CPNE4: variants seen among roughly 807,000 people sequenced by gnomAD.
CPNE4 encodes the protein copine-4.
In CPNE4, 25 loss-of-function variants were observed where a neutral mutation model predicts 67.9. That is an observed-to-expected ratio of 0.37 (90% CI 0.27 to 0.51). The LOEUF (loss-of-function observed/expected upper bound fraction) is 0.51, where lower values mean the gene tolerates loss of function less well. Among genes scored for constraint, CPNE4 ranks in the 20% least tolerant of loss-of-function variants. CPNE4 has a pLI of 0.93. For missense variants in CPNE4, 464 were observed against 690.8 expected (o/e 0.67, Z 3.68); for synonymous variants, 242 against 244.9 (o/e 0.99, Z 0.11).
At chr3:131,976,045 C>CT (rs1360862984) in intron 1 of CPNE4, among the ~76,000 whole-genome samples, 3 of 145,226 alleles carry the variant, frequency 2.1e-5, no homozygotes, top group South Asian at 2.2e-4. Flanking sequence ...AACTATAGGA[C>CT]TTTTTTTAAA....
chr3:131,844,089 T>C (rs1475062813), intron 2 of CPNE4, among the ~76,000 whole-genome samples: 1 of 152,072 alleles, frequency 6.6e-6, no homozygotes, highest in Non-Finnish European at 1.5e-5. Context: ...TATCTCTGGT[T>C]ACTACTCTGC....
At chr3:132,037,601 T>C, upstream of CPNE4, 1 of 1,536,046 alleles carries the variant, frequency 6.5e-7, no homozygotes, top group Non-Finnish European at 8.7e-7. Context: ...TGCTGGGTTC[T>C]ACAGCCATGG....
At chr3:131,799,922 TGTGTGTGTG>T (rs1560339423) in intron 2 of CPNE4, among the ~76,000 whole-genome samples, 1 of 2,454 alleles carries the variant, frequency 4.1e-4, no homozygotes, top group Non-Finnish European at 1.9e-3. Flanking sequence ...GTGTGTGTTG[TGTGTGTGTG>T]TGTGTGTGTG....
intron 2 of CPNE4, among the ~76,000 whole-genome samples, chr3:131,832,911 AGACTGTT>A (rs1291467965): frequency 2.0e-5 from 3 of 152,210 alleles, no homozygotes; most frequent in Admixed American, 1.3e-4. Flanking sequence ...TGACTGCTAT[AGACTGTT>A]ACGCTCAGTC....
At chr3:131,887,710 T>C (rs2087950770) in intron 2 of CPNE4, among the ~76,000 whole-genome samples, 1 of 152,236 alleles carries the variant, frequency 6.6e-6, no homozygotes, top group South Asian at 2.1e-4. Flanking sequence ...TACATTTGCA[T>C]CTTTCAAGCT....
intron 6 of CPNE4, among the ~76,000 whole-genome samples, chr3:131,677,308 T>C (rs2080603596): frequency 6.6e-6 from 1 of 152,006 alleles, no homozygotes; most frequent in Non-Finnish European, 1.5e-5. Flanking sequence ...TTTGTTTAAG[T>C]TCCTTATAGA....
chr3:131,978,531 A>AAT (rs1478734330), intron 1 of CPNE4, among the ~76,000 whole-genome samples: 3 of 67,298 alleles, frequency 4.5e-5, no homozygotes, highest in African/African-American at 1.4e-4. Context: ...TATAAATATA[A>AAT]ATATATATAA....
chr3:131,747,206 C>T (rs975401167), intron 2 of CPNE4, among the ~76,000 whole-genome samples: 3 of 150,640 alleles, frequency 2.0e-5, no homozygotes, highest in Admixed American at 2.0e-4. Context: ...TAGTTTGCAA[C>T]TATTTTCTCC....
chr3:131,885,888 A>G (rs1382402253), intron 2 of CPNE4, among the ~76,000 whole-genome samples: 2 of 152,254 alleles, frequency 1.3e-5, no homozygotes, highest in Non-Finnish European at 2.9e-5. Context: ...GGTGCTATTA[A>G]TTCAGTTTTA....
rs182397315 is a variant in CPNE4 at position 131,916,958 on chromosome 3, G to A, written c.-1-11514C>T. Among the ~76,000 whole-genome samples the A allele has an allele frequency of 5.6e-3, 853 of 152,218 alleles. 2 individuals are homozygous for A. The highest frequency in any genetic ancestry group is 9.0e-3 in the Non-Finnish European group (615 of 68,024). On this transcript the variant is annotated intron_variant, in intron 1 of 15. Coordinates refer to ENST00000429747, the MANE Select transcript of CPNE4 (RefSeq NM_130808.3). ...GCCCTATTTGGTGGAGACTGGATGC[G>A]GAAGTGCTCAAAAGACTTAACAGGC...
intron 2 of CPNE4, among the ~76,000 whole-genome samples, chr3:131,737,179 A>C (rs1054777509): frequency 8.1e-6 from 1 of 123,014 alleles, no homozygotes; most frequent in African/African-American, 3.2e-5. Context: ...GCTGGAGTGC[A>C]GTGGCACGAT....
chr3:131,610,928 C>A (rs976414459), intron 7 of CPNE4, among the ~76,000 whole-genome samples: 1 of 152,124 alleles, frequency 6.6e-6, no homozygotes, highest in Non-Finnish European at 1.5e-5. Context: ...TCAAAGGCTC[C>A]TCCTGGAGAA....
intron 1 of CPNE4, among the ~76,000 whole-genome samples, chr3:131,959,714 G>T (rs1373523074): frequency 6.6e-6 from 1 of 152,040 alleles, no homozygotes; most frequent in Non-Finnish European, 1.5e-5. Flanking sequence ...GAAAATAAGG[G>T]GACGTTGTAC....
At chr3:131,804,471 A>G (rs1479427718) in intron 2 of CPNE4, among the ~76,000 whole-genome samples, 1 of 152,154 alleles carries the variant, frequency 6.6e-6, no homozygotes, top group Non-Finnish European at 1.5e-5. Flanking sequence ...TTCATATCAG[A>G]CTGCTTTATA....
chr3:131,832,735 C>G (rs1165122464), intron 2 of CPNE4, among the ~76,000 whole-genome samples: 1 of 152,150 alleles, frequency 6.6e-6, no homozygotes, highest in Non-Finnish European at 1.5e-5. Context: ...TACCTTCAGT[C>G]TCACCCATAT....
intron 1 of CPNE4, among the ~76,000 whole-genome samples, chr3:131,976,916 C>T (rs1408017876): frequency 6.6e-6 from 1 of 152,006 alleles, no homozygotes; most frequent in Non-Finnish European, 1.5e-5. Flanking sequence ...ATTCTCCTGC[C>T]TCAGCCTCCT....
At chr3:131,581,795 C>G (rs960516544) in intron 8 of CPNE4, 130 bp from the exon 9 acceptor site, 1 of 675,868 alleles carries the variant, frequency 1.5e-6, no homozygotes, top group South Asian at 1.7e-5. Flanking sequence ...GGTGGTAACT[C>G]TTGCATCTAG....
At chr3:131,539,704 G>C (rs1242714844) in intron 15 of CPNE4, among the ~76,000 whole-genome samples, 3 of 152,170 alleles carry the variant, frequency 2.0e-5, no homozygotes, top group Non-Finnish European at 4.4e-5. Context: ...GGGAAGTGGG[G>C]AGGTGGGGGA....
chr3:131,593,877 A>AATT (rs1466068430), intron 7 of CPNE4, among the ~76,000 whole-genome samples: 1 of 151,872 alleles, frequency 6.6e-6, no homozygotes, highest in Non-Finnish European at 1.5e-5. Context: ...ATGCCCAGCT[A>AATT]ATTATTATTA....
Sources: allele counts gnomAD v4.1 joint callset (sites outside exome capture counted in the v4.1 genomes callset), GRCh38; gene constraint gnomAD v4.1.1; transcripts MANE v1.5; gene names NCBI Gene and HGNC (gene_info 2026-07-23, HGNC 2026-07-21).